DCAF1: variants seen among roughly 807,000 people sequenced by gnomAD.
DCAF1 encodes the protein DDB1- and CUL4-associated factor 1.
Under a neutral mutation model 128.0 loss-of-function variants are expected in DCAF1, and 15 were observed. The observed-to-expected ratio is 0.12, with a 90% confidence interval of 0.08 to 0.18. The LOEUF (loss-of-function observed/expected upper bound fraction) is 0.18. DCAF1 is among the 10% of genes least tolerant of loss of function. The pLI is 1.00. For synonymous variants in DCAF1, 610 were observed against 603.0 expected (o/e 1.01, Z -0.17); for missense variants, 988 against 1,649.5 (o/e 0.60, Z 6.95).
At chr3:51,430,236 A>T (rs1553635242) in intron 10 of DCAF1, 24 bp from the exon 11 acceptor site, 1 of 765,220 alleles carries the variant, frequency 1.3e-6, no homozygotes, top group Non-Finnish European at 2.5e-6. Context: ...CAAATAAAAC[A>T]ATGCTTTTAA....
chr3:51,499,776 C>G (rs1708658896), intron 1 of DCAF1, 97 bp downstream of exon 1: 1 of 152,044 alleles, frequency 6.6e-6, no homozygotes, highest in South Asian at 2.0e-4. Flanking sequence ...TGCCGCCCCT[C>G]CCCCAAGCCC....
At position 51,421,017 on chromosome 3, in the gene DCAF1, TG is replaced by T; in HGVS notation, c.1973-21del. ...TGATACCTAATGGGAAAAAAAATTA[TG>T]TATTATTCACCATAAAACTAATGGC... On this transcript the variant is annotated intron_variant, in intron 14 of 24. Transcript: ENST00000684031. 1.3e-6 allele frequency: 2 copies of T among 1,590,232 alleles called. No homozygotes were observed. Among genetic ancestry groups the T allele is most frequent in the Non-Finnish European group, 8.6e-7 (1 of 1,167,804 alleles).
chr3:51,396,865 G>A (rs1553623137), downstream of DCAF1: 2 of 167,064 alleles, frequency 1.2e-5, no homozygotes, highest in Non-Finnish European at 2.9e-5. Context: ...GTTTTCTTCT[G>A]ATGCCATCAG....
chr3:51,440,283 C>T, intron 9 of DCAF1: 1 of 381,130 alleles, frequency 2.6e-6, no homozygotes, highest in Non-Finnish European at 5.1e-6. Context: ...AGAGAAATTA[C>T]ATGCTAAAAC....
intron 9 of DCAF1, among the ~76,000 whole-genome samples, chr3:51,440,501 G>A (rs924632836): frequency 2.0e-5 from 3 of 152,180 alleles, no homozygotes; most frequent in African/African-American, 7.2e-5. Context: ...AGCTACTCAG[G>A]AGGCTGAGGT....
intron 3 of DCAF1, among the ~76,000 whole-genome samples, chr3:51,471,927 C>G (rs1553648563): frequency 6.6e-6 from 1 of 152,102 alleles, no homozygotes; most frequent in East Asian, 1.9e-4. Flanking sequence ...GTTAGCTCTA[C>G]TACAAGGTAC....
At chr3:51,499,036 G>C (rs936360520) in intron 1 of DCAF1, among the ~76,000 whole-genome samples, 1 of 152,194 alleles carries the variant, frequency 6.6e-6, no homozygotes, top group East Asian at 1.9e-4. Context: ...ACATGGCCAA[G>C]GACGAGTCAT....
intron 1 of DCAF1, among the ~76,000 whole-genome samples, 197 bp downstream of exon 1, chr3:51,499,676 A>G (rs527572238): frequency 6.6e-5 from 10 of 151,656 alleles, no homozygotes; most frequent in East Asian, 5.9e-4. Flanking sequence ...CCCCAGGACA[A>G]GAATCAGGAG....
chr3:51,401,392 C>G (rs1559466361), intron 24 of DCAF1, among the ~76,000 whole-genome samples: 1 of 152,206 alleles, frequency 6.6e-6, no homozygotes, highest in Admixed American at 6.5e-5. Flanking sequence ...GAATGCTCTC[C>G]TTGCTGACAG....
At chr3:51,502,196 G>A (rs543327421), upstream of DCAF1, among the ~76,000 whole-genome samples, 3 of 152,238 alleles carry the variant, frequency 2.0e-5, no homozygotes, top group East Asian at 1.9e-4. Context: ...TAGCTCACGC[G>A]CTCCTGGCAC....
At chr3:51,459,229 C>T (rs1354026685) in intron 6 of DCAF1, among the ~76,000 whole-genome samples, 2 of 152,148 alleles carry the variant, frequency 1.3e-5, no homozygotes, top group Non-Finnish European at 2.9e-5. Flanking sequence ...GGGGATATCA[C>T]AACCGATCCC....
chr3:51,485,352 G>A (rs1293203980), intron 2 of DCAF1, among the ~76,000 whole-genome samples: 2 of 152,208 alleles, frequency 1.3e-5, no homozygotes, highest in Non-Finnish European at 2.9e-5. Flanking sequence ...GGAAAGAAGA[G>A]GCTAGAAGAG....
At chr3:51,496,864 T>A (rs1708283734) in intron 1 of DCAF1, among the ~76,000 whole-genome samples, 84 bp from the exon 2 acceptor site, 1 of 152,156 alleles carries the variant, frequency 6.6e-6, no homozygotes, top group African/African-American at 2.4e-5. Flanking sequence ...CAAGAAATAC[T>A]TATGTAAAAT....
At chr3:51,428,537 G>C (rs1292995928) in intron 12 of DCAF1, among the ~76,000 whole-genome samples, 8 of 151,970 alleles carry the variant, frequency 5.3e-5, no homozygotes, top group African/African-American at 1.9e-4. Flanking sequence ...TGTTGCCCAG[G>C]CTGGTCTCAA....
rs370708641 is a variant in DCAF1 at position 51,441,827 on chromosome 3, C to A, written c.584G>T (p.Arg195Leu). The A allele has an allele frequency of 2.1e-5, 34 of 1,613,416 alleles. No homozygotes were observed. The highest frequency in any genetic ancestry group is 2.8e-5 in the Non-Finnish European group (33 of 1,179,874). Residue 195 changes from arginine to leucine, a missense_variant, in exon 8 of 25, where the codon CGT becomes CTT. Around this residue, in one of 11 missense-constraint regions of DCAF1, gnomAD observed 210 missense variants for 260.2 expected, o/e 0.81. Transcript: ENST00000684031. ...QEVALRQENK[R>L]PSPRKLSSEP... is the part of the protein sequence containing the mutation. ...AGAAGAGAGCTTCCGTGGACTGGGA[C>A]GCTTGTTTTCCTGCCGCAAAGCCAC... is the stretch of plus-strand genomic sequence containing the variant.
intron 3 of DCAF1, among the ~76,000 whole-genome samples, chr3:51,483,229 A>C (rs1161099120): frequency 6.6e-6 from 1 of 151,812 alleles, no homozygotes; most frequent in African/African-American, 2.4e-5. Flanking sequence ...ACCTAAGGTA[A>C]GGAGTTCGAG....
At chr3:51,495,999 A>G (rs1708194826) in intron 2 of DCAF1, among the ~76,000 whole-genome samples, 1 of 148,366 alleles carries the variant, frequency 6.7e-6, no homozygotes, top group Non-Finnish European at 1.5e-5. Context: ...GTCTCAAGGA[A>G]AAAAAAAAAA....
chr3:51,496,369 G>C (rs782069051), intron 2 of DCAF1, among the ~76,000 whole-genome samples: 1 of 152,164 alleles, frequency 6.6e-6, no homozygotes. Context: ...AGAGGTTGCA[G>C]TGAGCCGAGA....
intron 4 of DCAF1, among the ~76,000 whole-genome samples, chr3:51,467,604 A>T (rs1254476123): frequency 6.6e-6 from 1 of 152,194 alleles, no homozygotes; most frequent in Non-Finnish European, 1.5e-5. Context: ...CATATGTAAC[A>T]AACCTGCACG....
Sources: gnomAD v4.1 joint callset for allele counts (sites outside exome capture counted in the v4.1 genomes callset) on GRCh38, gnomAD v4.1.1 for gene constraint, gnomAD v4.1.1 regional missense constraint, MANE v1.5 for transcripts, NCBI Gene and HGNC (gene_info 2026-07-23, HGNC 2026-07-21) for gene names.